The following SAMD12 variants were observed in gnomAD, a reference collection of about 807,000 sequenced individuals.
SAMD12 encodes the protein sterile alpha motif domain-containing protein 12.
A neutral mutation model predicts 15.0 loss-of-function variants in SAMD12; 9 were observed. That is an observed-to-expected ratio of 0.60 (90% CI 0.36 to 1.05). The LOEUF (loss-of-function observed/expected upper bound fraction) is 1.05. Ranked by LOEUF, SAMD12 falls within the 50% of genes least tolerant of loss-of-function variation. The pLI is 0.01. For synonymous variants in SAMD12, 86 were observed against 90.1 expected (o/e 0.96, Z 0.25); for missense variants, 230 against 234.2 (o/e 0.98, Z 0.12).
chr8:118,468,138 T>C (rs116013769), intron 2 of SAMD12, among the ~76,000 whole-genome samples: 2,265 of 152,250 alleles, frequency 0.015, 67 homozygotes, highest in African/African-American at 0.051. Context: ...CAGAGTACCC[T>C]AGCACAAGAA....
At chr8:118,507,017 T>C (rs1478084928) in intron 2 of SAMD12, among the ~76,000 whole-genome samples, 1 of 152,050 alleles carries the variant, frequency 6.6e-6, no homozygotes, top group Non-Finnish European at 1.5e-5. Flanking sequence ...TTCCATGGCT[T>C]AGAGACCAAA....
chr8:118,523,483 C>T (rs1005265966), intron 2 of SAMD12, among the ~76,000 whole-genome samples: 1 of 152,132 alleles, frequency 6.6e-6, no homozygotes, highest in African/African-American at 2.4e-5. Flanking sequence ...GAGGTGACTC[C>T]CAGGGCTTTG....
At chr8:118,558,852 C>T (rs557733596) in intron 2 of SAMD12, among the ~76,000 whole-genome samples, 2 of 152,090 alleles carry the variant, frequency 1.3e-5, no homozygotes, top group Non-Finnish European at 2.9e-5. Flanking sequence ...CCACCGCGCC[C>T]GGCCGACACT....
intron 4 of SAMD12, among the ~76,000 whole-genome samples, chr8:118,242,712 C>T (rs1043231809): frequency 2.6e-5 from 4 of 152,044 alleles, no homozygotes; most frequent in Admixed American, 1.3e-4. Context: ...ACCTTCCCTG[C>T]CCCTGCCACA....
intron 2 of SAMD12, among the ~76,000 whole-genome samples, chr8:118,571,264 A>G (rs147297473): frequency 1.4e-4 from 22 of 152,196 alleles, no homozygotes; most frequent in Admixed American, 3.9e-4. Flanking sequence ...AAGGCAGGAA[A>G]ATGTGGGAAA....
chr8:118,137,918 G>A, the SAMD12 span, among the ~76,000 whole-genome samples: 4 of 70,896 alleles, frequency 5.6e-5, no homozygotes, highest in East Asian at 1.1e-3. Context: ...AAATACACAT[G>A]AGAAAGCATT....
chr8:118,455,970 A>G (rs1823238015), intron 2 of SAMD12, among the ~76,000 whole-genome samples: 1 of 152,236 alleles, frequency 6.6e-6, no homozygotes, highest in Non-Finnish European at 1.5e-5. Flanking sequence ...CCTATTTTCC[A>G]AATTCCACAC....
intron 2 of SAMD12, among the ~76,000 whole-genome samples, chr8:118,574,706 G>A (rs898756966): frequency 2.6e-5 from 4 of 152,080 alleles, no homozygotes; most frequent in African/African-American, 9.7e-5. Context: ...CATGTACTGG[G>A]GTCCTGGAAC....
chr8:118,304,784 A>ATAAG (rs1554626998), intron 4 of SAMD12, among the ~76,000 whole-genome samples: 1 of 150,622 alleles, frequency 6.6e-6, no homozygotes, highest in Non-Finnish European at 1.5e-5. Context: ...AAATAAATAA[A>ATAAG]TAAATAAATA....
chr8:118,492,122 C>CTTT (rs543720456), intron 2 of SAMD12, among the ~76,000 whole-genome samples: 36 of 132,144 alleles, frequency 2.7e-4, no homozygotes, highest in African/African-American at 9.8e-4. Context: ...CTGGTGTTGC[C>CTTT]TTTTTTTTTT....
At chr8:118,467,704 C>T (rs919167780) in intron 2 of SAMD12, among the ~76,000 whole-genome samples, 11 of 152,170 alleles carry the variant, frequency 7.2e-5, no homozygotes, top group Non-Finnish European at 5.9e-5. Context: ...ACAGGTCAAA[C>T]GTGCTAGTTA....
chr8:118,163,344 T>C, the SAMD12 span, among the ~76,000 whole-genome samples: 1 of 152,122 alleles, frequency 6.6e-6, no homozygotes, highest in Non-Finnish European at 1.5e-5. Context: ...CCTCCCAAAG[T>C]GTTGGGATTA....
intron 4 of SAMD12, among the ~76,000 whole-genome samples, chr8:118,351,060 A>C (rs994371915): frequency 2.6e-5 from 4 of 152,344 alleles, no homozygotes; most frequent in East Asian, 3.9e-4. Context: ...CACGTGGGAC[A>C]TGAGTCTCCA....
chr8:118,346,018 T>G (rs1417151696), intron 4 of SAMD12, among the ~76,000 whole-genome samples: 1 of 152,196 alleles, frequency 6.6e-6, no homozygotes, highest in Admixed American at 6.5e-5. Context: ...AGCAGCCTAC[T>G]TGCTCTCTGG....
rs149007564 is a variant in SAMD12, at chr8:118,286,056, T to C, written c.434-88324A>G. Among the ~76,000 whole-genome samples the C allele has an allele frequency of 6.6e-3, 1,002 of 151,924 alleles. 14 individuals are homozygous for C. The highest frequency in any genetic ancestry group is 0.023 in the African/African-American group (955 of 41,382). On this transcript the variant is annotated intron_variant, in intron 4 of 4. Transcript: ENST00000409003. ...GCTGGAAACCATCATTCTTAGCAAA[T>C]TATTGCAAGGACAAAAAGCCAAACA...
chr8:118,380,606 C>G (rs993731716), intron 3 of SAMD12, among the ~76,000 whole-genome samples: 1 of 152,188 alleles, frequency 6.6e-6, no homozygotes, highest in African/African-American at 2.4e-5. Context: ...TGCTAAATGC[C>G]CATAGCACCA....
intron 2 of SAMD12, among the ~76,000 whole-genome samples, chr8:118,514,009 A>C (rs1411272236): frequency 1.3e-5 from 2 of 152,246 alleles, no homozygotes; most frequent in Admixed American, 6.5e-5. Context: ...ATTTTAAGCG[A>C]AATTTTTATT....
At chr8:118,595,143 G>C (rs1827693334) in intron 1 of SAMD12, among the ~76,000 whole-genome samples, 1 of 152,154 alleles carries the variant, frequency 6.6e-6, no homozygotes, top group Non-Finnish European at 1.5e-5. Flanking sequence ...CAGCACTGGT[G>C]GATGTGCATC....
intron 2 of SAMD12, among the ~76,000 whole-genome samples, chr8:118,549,799 A>G (rs2131175824): frequency 6.6e-6 from 1 of 152,344 alleles, no homozygotes; most frequent in South Asian, 2.1e-4. Flanking sequence ...AGACGAATGT[A>G]TAACTAGAAT....
Sources: gnomAD v4.1 joint callset for allele counts (sites outside exome capture counted in the v4.1 genomes callset) on GRCh38, gnomAD v4.1.1 for gene constraint, MANE v1.5 for transcripts, NCBI Gene and HGNC (gene_info 2026-07-23, HGNC 2026-07-21) for gene names.